ACYP2: variants seen among roughly 807,000 people sequenced by gnomAD.
ACYP2 encodes acylphosphatase-2.
A neutral mutation model predicts 11.2 loss-of-function variants in ACYP2; 12 were observed. The ratio of observed to expected loss-of-function variants is 1.08; its 90% CI spans 0.69 to 1.74. The LOEUF is 1.74. Ranked by LOEUF, ACYP2 falls within the 40% of genes most tolerant of loss-of-function variation. The probability of loss-of-function intolerance (pLI) is 0.00; values close to 1 mark genes in which losing one functional copy is unlikely to be tolerated. For missense variants in ACYP2, 134 were observed against 101.9 expected (o/e 1.31, Z -1.35); for synonymous variants, 43 against 32.2 (o/e 1.33, Z -1.13).
At position 54,304,923 on chromosome 2, in the gene ACYP2, A is replaced by T. The variant is rs1689862938; in HGVS notation, c.*121A>T. 2.0e-6 allele frequency: 1 copy of T among 491,490 alleles called. No individual in the cohort carries two copies. The highest frequency in any genetic ancestry group is 3.5e-6 in the Non-Finnish European group (1 of 286,974). The allele number at this position is 491,490 out of a possible 1,614,324, so 30.4% of individuals were successfully genotyped here. A position where few individuals can be genotyped will look rare whatever the true frequency, so the allele number is the denominator to read the frequency against. ...AACTTTCTGTTCTGAAAGCTAAGCG[A>T]CTGTACGTGCTACTAAAAATGTCTG... On this transcript the variant is annotated 3_prime_UTR_variant, in exon 7 of 7. Transcript: ENST00000607452.
At chr2:54,157,090 G>A (rs1348623073) in intron 6 of ACYP2, among the ~76,000 whole-genome samples, 7 of 152,006 alleles carry the variant, frequency 4.6e-5, no homozygotes, top group African/African-American at 1.7e-4. Flanking sequence ...ATTTACACAA[G>A]ATTTACATGG....
At chr2:53,991,152 G>A (rs1238444487) in intron 2 of ACYP2, among the ~76,000 whole-genome samples, 4 of 152,122 alleles carry the variant, frequency 2.6e-5, no homozygotes, top group Non-Finnish European at 5.9e-5. Flanking sequence ...GTGTTCAAAG[G>A]TATGCTGCTG....
intron 6 of ACYP2, among the ~76,000 whole-genome samples, chr2:54,187,425 C>G (rs72800794): frequency 7.2e-5 from 11 of 152,222 alleles, no homozygotes; most frequent in African/African-American, 2.6e-4. Flanking sequence ...GAGATGTCTA[C>G]GTGGATGGCC....
chr2:54,192,618 A>T (rs189145064), intron 6 of ACYP2, among the ~76,000 whole-genome samples: 355 of 152,278 alleles, frequency 2.3e-3, no homozygotes, highest in Non-Finnish European at 3.9e-3. Context: ...TGTTATATTT[A>T]AAAAAAGAGG....
At chr2:54,082,731 G>C (rs1677732989) in intron 4 of ACYP2, 1 of 152,102 alleles carries the variant, frequency 6.6e-6, no homozygotes, top group African/African-American at 2.4e-5. Flanking sequence ...TTGAGTTATG[G>C]GCTGACATTC....
intron 6 of ACYP2, chr2:54,253,885 A>G (rs1347956550): frequency 6.6e-6 from 1 of 152,248 alleles, no homozygotes. Context: ...TGGACATGAC[A>G]AAGAGAGCCA....
intron 6 of ACYP2, among the ~76,000 whole-genome samples, chr2:54,166,636 A>G (rs867437381): frequency 2.6e-5 from 4 of 152,202 alleles, no homozygotes; most frequent in Admixed American, 2.0e-4. Context: ...GGATAAGATA[A>G]TCTCTGAATT....
At chr2:53,991,318 T>G (rs1672281736) in intron 2 of ACYP2, among the ~76,000 whole-genome samples, 1 of 152,214 alleles carries the variant, frequency 6.6e-6, no homozygotes, top group Admixed American at 6.5e-5. Flanking sequence ...CAATAAATAT[T>G]CATGTATAAG....
At chr2:54,201,805 T>A (rs1684846355) in intron 6 of ACYP2, among the ~76,000 whole-genome samples, 1 of 150,806 alleles carries the variant, frequency 6.6e-6, no homozygotes, top group Non-Finnish European at 1.5e-5. Flanking sequence ...ACCTTCCAGG[T>A]TCAAGCAATT....
At chr2:53,996,864 C>T (rs1672597243) in intron 2 of ACYP2, among the ~76,000 whole-genome samples, 1 of 152,122 alleles carries the variant, frequency 6.6e-6, no homozygotes. Context: ...ATACTTTTAG[C>T]AGATTAATCT....
intron 4 of ACYP2, among the ~76,000 whole-genome samples, chr2:54,095,238 T>G (rs968082519): frequency 1.3e-5 from 2 of 152,202 alleles, no homozygotes; most frequent in African/African-American, 4.8e-5. Context: ...CAAGGCAAAA[T>G]AATTTTTCTT....
intron 4 of ACYP2, among the ~76,000 whole-genome samples, chr2:54,129,639 G>C (rs1338043909): frequency 6.7e-6 from 1 of 149,574 alleles, no homozygotes; most frequent in Non-Finnish European, 1.5e-5. Context: ...ATATATGTGA[G>C]CATTAAGCAT....
chr2:54,102,802 C>G (rs1678970724), intron 4 of ACYP2, among the ~76,000 whole-genome samples: 2 of 152,094 alleles, frequency 1.3e-5, no homozygotes, highest in Non-Finnish European at 2.9e-5. Flanking sequence ...TGGCTTCATT[C>G]TGAGGCAGGC....
At chr2:54,236,836 CTA>C (rs1035293224) in intron 6 of ACYP2, among the ~76,000 whole-genome samples, 4 of 152,064 alleles carry the variant, frequency 2.6e-5, no homozygotes, top group Admixed American at 6.5e-5. Context: ...TAATTTTGAG[CTA>C]TGTTACTAGG....
At chr2:54,126,080 C>A (rs1680477385) in intron 4 of ACYP2, among the ~76,000 whole-genome samples, 1 of 150,670 alleles carries the variant, frequency 6.6e-6, no homozygotes, top group Non-Finnish European at 1.5e-5. Flanking sequence ...GACTCCGACT[C>A]AAAAAAAATA....
At chr2:54,259,153 A>T (rs1325076253) in intron 6 of ACYP2, among the ~76,000 whole-genome samples, 1 of 152,248 alleles carries the variant, frequency 6.6e-6, no homozygotes, top group Non-Finnish European at 1.5e-5. Context: ...GGATGGAGTT[A>T]CTGGAAGCAG....
intron 2 of ACYP2, among the ~76,000 whole-genome samples, chr2:53,995,954 G>A (rs926287857): frequency 6.6e-6 from 1 of 152,008 alleles, no homozygotes; most frequent in Non-Finnish European, 1.5e-5. Context: ...CCAACGTGGT[G>A]AAACCCTGTG....
intron 2 of ACYP2, among the ~76,000 whole-genome samples, chr2:54,048,667 C>T (rs1031226978): frequency 1.3e-5 from 2 of 152,114 alleles, no homozygotes; most frequent in East Asian, 1.9e-4. Context: ...TGACCTACAA[C>T]CATTTTTTAA....
At chr2:54,007,259 T>C (rs1673121900) in intron 2 of ACYP2, among the ~76,000 whole-genome samples, 1 of 147,704 alleles carries the variant, frequency 6.8e-6, no homozygotes, top group African/African-American at 2.5e-5. Context: ...GTTTTTCTTT[T>C]TTTTTTTTTT....
Sources: allele counts gnomAD v4.1 joint callset (sites outside exome capture counted in the v4.1 genomes callset), GRCh38; gene constraint gnomAD v4.1.1; transcripts MANE v1.5; gene names NCBI Gene and HGNC (gene_info 2026-07-23, HGNC 2026-07-21).